The following LRP1B variants were observed in gnomAD, a reference collection of about 807,000 sequenced individuals.
LRP1B encodes LDL receptor related protein 1B.
Under a neutral mutation model 556.6 loss-of-function variants are expected in LRP1B, and 217 were observed. That is an observed-to-expected ratio of 0.39 (90% CI 0.35 to 0.44). The LOEUF (loss-of-function observed/expected upper bound fraction) is 0.44. Ranked by LOEUF, LRP1B falls within the 20% of genes least tolerant of loss-of-function variation. The pLI is 1.00. For missense variants in LRP1B, 5,053 were observed against 5,620.8 expected (o/e 0.90, Z 3.23); for synonymous variants, 2,047 against 1,865.8 (o/e 1.10, Z -2.50).
intron 6 of LRP1B, among the ~76,000 whole-genome samples, chr2:141,222,304 C>T (rs1683078505): frequency 2.0e-5 from 3 of 152,124 alleles, no homozygotes; most frequent in Admixed American, 2.0e-4. Flanking sequence ...TGGATAAATT[C>T]CTGGACACAT....
chr2:142,015,394 C>T (rs1559022870), intron 1 of LRP1B, among the ~76,000 whole-genome samples: 2 of 152,096 alleles, frequency 1.3e-5, no homozygotes, highest in Non-Finnish European at 2.9e-5. Context: ...AAGACTTAAA[C>T]ATAAGACCTA....
intron 14 of LRP1B, among the ~76,000 whole-genome samples, chr2:141,009,802 A>C (rs1697689485): frequency 6.6e-6 from 1 of 152,030 alleles, no homozygotes; most frequent in Admixed American, 6.6e-5. Context: ...ACCAAAAAAG[A>C]TTCACATTCT....
intron 3 of LRP1B, among the ~76,000 whole-genome samples, chr2:141,394,487 T>G (rs1356088442): frequency 6.6e-6 from 1 of 152,114 alleles, no homozygotes; most frequent in African/African-American, 2.4e-5. Context: ...AAAAATCTTT[T>G]GAAATCTTGA....
At chr2:141,540,589 G>T (rs1685224015) in intron 2 of LRP1B, among the ~76,000 whole-genome samples, 1 of 151,944 alleles carries the variant, frequency 6.6e-6, no homozygotes, top group Non-Finnish European at 1.5e-5. Context: ...TTTTTGAAGG[G>T]CAACGTGATT....
At chr2:141,147,151 G>T (rs978354904) in intron 7 of LRP1B, among the ~76,000 whole-genome samples, 2 of 152,124 alleles carry the variant, frequency 1.3e-5, no homozygotes, top group East Asian at 3.9e-4. Flanking sequence ...CACTTTTTAG[G>T]TTGTTCCATG....
rs181983367 is a variant in LRP1B at position 141,682,570 on chromosome 2, A to G, written c.205+127709T>C. 3.2e-4 allele frequency among the ~76,000 whole-genome samples: 49 copies of G among 152,286 alleles called. 3 individuals carry two copies. The East Asian group carries it at 8.9e-3, about 28-fold the overall frequency. On this transcript the variant is annotated intron_variant, in intron 2 of 90. Transcript: ENST00000389484. Reference sequence around the variant, plus strand: ...TGGAAAACTTTCCCTCAACTTTCATATAACTAGGCTCCATTCCCATGTTGG... The same window carrying G: ...TGGAAAACTTTCCCTCAACTTTCATGTAACTAGGCTCCATTCCCATGTTGG...
intron 66 of LRP1B, among the ~76,000 whole-genome samples, chr2:140,410,793 G>A (rs183603636): frequency 6.6e-6 from 1 of 152,218 alleles, no homozygotes; most frequent in Admixed American, 6.5e-5. Context: ...TTAGGTTTTA[G>A]AAAGAAAAGA....
chr2:140,642,155 T>C (rs1684318806), intron 41 of LRP1B, among the ~76,000 whole-genome samples: 1 of 152,160 alleles, frequency 6.6e-6, no homozygotes, highest in Non-Finnish European at 1.5e-5. Flanking sequence ...CCACTCTTCT[T>C]TCCCATTTGT....
At chr2:140,372,597 C>A (rs1233056771) in intron 69 of LRP1B, among the ~76,000 whole-genome samples, 1 of 152,116 alleles carries the variant, frequency 6.6e-6, no homozygotes, top group East Asian at 1.9e-4. Context: ...ACAAACAACA[C>A]AATTATGCTG....
At chr2:141,896,703 T>C (rs1361684933) in intron 1 of LRP1B, among the ~76,000 whole-genome samples, 1 of 152,230 alleles carries the variant, frequency 6.6e-6, no homozygotes, top group African/African-American at 2.4e-5. Context: ...TTTAGATTTT[T>C]GTTGACATAA....
intron 47 of LRP1B, among the ~76,000 whole-genome samples, chr2:140,528,990 C>T (rs1177802204): frequency 6.6e-6 from 1 of 151,926 alleles, no homozygotes; most frequent in East Asian, 1.9e-4. Context: ...AGTTTTCTGA[C>T]AATATTTCCT....
At chr2:141,319,170 G>A (rs1256798708) in intron 3 of LRP1B, among the ~76,000 whole-genome samples, 1 of 151,776 alleles carries the variant, frequency 6.6e-6, no homozygotes, top group Non-Finnish European at 1.5e-5. Flanking sequence ...ACACATATTT[G>A]TAATATCGTC....
At chr2:141,075,986 A>G (rs1250401274) in intron 7 of LRP1B, among the ~76,000 whole-genome samples, 1 of 152,252 alleles carries the variant, frequency 6.6e-6, no homozygotes, top group Non-Finnish European at 1.5e-5. Context: ...ATAGGATTAT[A>G]CAGATTAAAT....
chr2:140,246,591 T>C (rs1681175630), intron 87 of LRP1B, among the ~76,000 whole-genome samples: 1 of 7,222 alleles, frequency 1.4e-4, no homozygotes, highest in Non-Finnish European at 2.3e-3. Flanking sequence ...ACTTTAAAGA[T>C]AAAGAAGCAA....
At chr2:140,454,352 C>T (rs998774729) in intron 62 of LRP1B, among the ~76,000 whole-genome samples, 12 of 151,854 alleles carry the variant, frequency 7.9e-5, no homozygotes, top group Admixed American at 2.6e-4. Context: ...GGTTTCACTA[C>T]GTTGGCCAGG....
chr2:140,479,663 T>C (rs557879633), intron 59 of LRP1B, among the ~76,000 whole-genome samples: 80 of 152,334 alleles, frequency 5.3e-4, no homozygotes, highest in Admixed American at 1.4e-3. Flanking sequence ...CACCTGCAAT[T>C]ATCTCTGACT....
At chr2:140,292,397 G>A (rs568780046) in intron 84 of LRP1B, among the ~76,000 whole-genome samples, 1 of 152,118 alleles carries the variant, frequency 6.6e-6, no homozygotes, top group Non-Finnish European at 1.5e-5. Flanking sequence ...AATAGAAACA[G>A]GAAAAATAAA....
chr2:141,566,078 TA>T (rs1241165756), intron 2 of LRP1B, among the ~76,000 whole-genome samples: 3 of 151,884 alleles, frequency 2.0e-5, no homozygotes, highest in African/African-American at 7.2e-5. Context: ...CTTCCACTAA[TA>T]ATATGCCTGG....
chr2:141,398,247 G>A (rs1690316643), intron 3 of LRP1B, among the ~76,000 whole-genome samples: 1 of 152,138 alleles, frequency 6.6e-6, no homozygotes, highest in African/African-American at 2.4e-5. Context: ...CCATTCAGCA[G>A]TTTAAATGAT....
Sources: allele counts gnomAD v4.1 joint callset (sites outside exome capture counted in the v4.1 genomes callset), GRCh38; gene constraint gnomAD v4.1.1; transcripts MANE v1.5; gene names NCBI Gene and HGNC (gene_info 2026-07-23, HGNC 2026-07-21).